NCAPH: variants seen among roughly 807,000 people sequenced by gnomAD.
NCAPH encodes condensin complex subunit 2.
NCAPH carries 38 observed loss-of-function variants against 85.5 expected under a neutral mutation model. The ratio of observed to expected loss-of-function variants is 0.44; its 90% CI spans 0.34 to 0.58. NCAPH has a LOEUF of 0.58. Among genes scored for constraint, NCAPH ranks in the 20% least tolerant of loss-of-function variants. NCAPH has a pLI of 0.01. For synonymous variants in NCAPH, 301 were observed against 335.1 expected, an observed-to-expected ratio of 0.90 and a Z score of 1.11; for missense variants, 789 against 916.6, an observed-to-expected ratio of 0.86 and a Z score of 1.80.
rs1381711310 is a variant in NCAPH at position 96,375,312 on chromosome 2, T to C, written c.*1961T>C. ...TAAGTTTCCCTCATTACATGGTTGC[T>C]GTGGGCTATGTGTGCTGTGGTCTGA... On this transcript the variant is annotated 3_prime_UTR_variant, in exon 18 of 18. Transcript: ENST00000240423. Among the ~76,000 whole-genome samples, 3 of 152,222 alleles carry C rather than the reference T, an allele frequency of 2.0e-5. No individual in the cohort carries two copies. The highest frequency in any genetic ancestry group is 4.4e-5 in the Non-Finnish European group (3 of 68,046).
chr2:96,371,472 C>T (rs1387873492), intron 17 of NCAPH, among the ~76,000 whole-genome samples: 1 of 152,148 alleles, frequency 6.6e-6, no homozygotes, highest in African/African-American at 2.4e-5. Flanking sequence ...TCAGGCCAGG[C>T]CAACACTGCT....
chr2:96,338,151 T>A (rs2064240434), intron 1 of NCAPH, among the ~76,000 whole-genome samples: 1 of 143,454 alleles, frequency 7.0e-6, no homozygotes, highest in East Asian at 2.2e-4. Context: ...GGTCTCGAAC[T>A]CCTGACCTCA....
Position 96,343,255 on chromosome 2 carries a change from G to T in NCAPH, c.546G>T (p.Gly182=). 6.2e-7 allele frequency: 1 copy of T among 1,613,744 alleles called. No homozygotes were observed. The highest frequency in any genetic ancestry group is 8.5e-7 in the Non-Finnish European group (1 of 1,179,776). ...VHADVYRVLG[G]LGKDAPSLEE... ...CCGATGTATACAGAGTCCTTGGGGG[G>T]CTGGGCAAAGATGCACCGTCTTTGG... The change falls in exon 5 of 18, where the codon GGG becomes GGT. Residue 182 remains glycine, a synonymous_variant. Transcript: ENST00000240423.
rs755342730 is a variant in NCAPH, at chr2:96,365,962, A to G, written c.1785A>G (p.Pro595=). Residue 595 remains proline (P), a synonymous_variant, in exon 14 of 18, where the codon CCA becomes CCG. Coordinates refer to ENST00000240423, the MANE Select transcript of NCAPH (RefSeq NM_015341.5). ...ACCTCTCACCTTATCCTTGCCATCC[A>G]CCTAAGACAGCACAACAGAATGGTG... ...NSDLSPYPCH[P]PKTAQQNGDT... 18 of 1,614,068 alleles carry G rather than the reference A, an allele frequency of 1.1e-5. No individual in the cohort carries two copies. Among genetic ancestry groups the G allele is most frequent in the Non-Finnish European group, 1.4e-5 (16 of 1,180,038 alleles).
At chr2:96,353,735 G>A (rs2064482014) in intron 8 of NCAPH, among the ~76,000 whole-genome samples, 2 of 152,080 alleles carry the variant, frequency 1.3e-5, no homozygotes, top group Admixed American at 6.5e-5. Flanking sequence ...TTAGGCTGCC[G>A]TCAAGCTTGA....
intron 6 of NCAPH, among the ~76,000 whole-genome samples, chr2:96,344,806 A>C (rs970462785): frequency 6.6e-6 from 1 of 152,226 alleles, no homozygotes; most frequent in Non-Finnish European, 1.5e-5. Flanking sequence ...ATTTAAAGCA[A>C]ACAGGTGTTA....
chr2:96,351,505 C>G (rs2064441224), intron 6 of NCAPH, among the ~76,000 whole-genome samples: 1 of 151,988 alleles, frequency 6.6e-6, no homozygotes, highest in African/African-American at 2.4e-5. Flanking sequence ...CCCGTCTCTA[C>G]TAAAAATACA....
chr2:96,353,393 A>G lies in NCAPH; in HGVS notation c.998A>G (p.Asn333Ser), dbSNP rs183869493. The change falls in exon 8 of 18, where the codon AAT becomes AGT. Residue 333 changes from asparagine to serine, a missense_variant. Coordinates refer to ENST00000240423, the MANE Select transcript of NCAPH (RefSeq NM_015341.5). ...ACACAGTGGGACAGTGAAACACATA[A>G]TGAGGTGTGGTCAAGTTTTAGTGGC... ...QFTQWDSETH[N>S]ESVSALVDKF... The G allele has an allele frequency of 8.3e-5, 134 of 1,613,770 alleles. No homozygotes were observed. In the East Asian group the frequency reaches 2.4e-3, roughly 29 times the overall value.
At chr2:96,336,112 C>T (rs1317458927) in intron 1 of NCAPH, among the ~76,000 whole-genome samples, 2 of 151,860 alleles carry the variant, frequency 1.3e-5, no homozygotes, top group Non-Finnish European at 2.9e-5. Context: ...CCTCAGTTCC[C>T]GGGCGGGCGG....
intron 1 of NCAPH, among the ~76,000 whole-genome samples, chr2:96,337,798 G>C (rs1340347081): frequency 6.6e-6 from 1 of 152,160 alleles, no homozygotes; most frequent in Admixed American, 6.5e-5. Flanking sequence ...CCTAGCTCAC[G>C]GCAGCCTTGC....
rs1448684130 is a variant in NCAPH at position 96,342,758 on chromosome 2, A to T, written c.366A>T (p.Lys122Asn). ...STCIKLSTEN[K>N]ITTKNAFGLH... ...TTTCTGCAATTTTCTGTTTTCAGAA[A>T]ATCACTACCAAGAATGCTTTTGGTT... The change falls in exon 4 of 18, where the codon AAA becomes AAT. Residue 122 changes from lysine (K) to asparagine (N), a missense_variant and splice_region_variant. By Grantham distance (94) the Lys-to-Asn change is moderately conservative. Coordinates refer to ENST00000240423, the MANE Select transcript of NCAPH (RefSeq NM_015341.5). 1 of 1,611,132 alleles carries T rather than the reference A, an allele frequency of 6.2e-7. No individual in the cohort carries two copies. Among genetic ancestry groups the T allele is most frequent in the Non-Finnish European group, 8.5e-7 (1 of 1,178,224 alleles).
intron 13 of NCAPH, among the ~76,000 whole-genome samples, chr2:96,365,659 G>T (rs995464037): frequency 1.3e-5 from 2 of 152,106 alleles, no homozygotes; most frequent in South Asian, 2.1e-4. Context: ...TTTAACTCCC[G>T]CTCAAAAGGT....
intron 12 of NCAPH, among the ~76,000 whole-genome samples, chr2:96,361,808 A>ATG (rs2064622244): frequency 5.3e-5 from 4 of 75,162 alleles, no homozygotes; most frequent in Non-Finnish European, 1.1e-4. Context: ...ATATATGTGT[A>ATG]TATATATATA....
In NCAPH at chr2:96,354,127, GTGA is replaced by G. The variant is rs879709982; in HGVS notation, c.1003-54_1003-52del. On this transcript the variant is annotated intron_variant, in intron 8 of 17. Transcript: ENST00000240423. ...GGGTGAGAAGGCTGTCCCTCCAGTG[GTGA>G]TTTGGGGTGGTTATAGGAATGAGAA... 8 of 1,529,802 alleles carry G rather than the reference GTGA, an allele frequency of 5.2e-6. No homozygotes were observed. In the Admixed American group the frequency reaches 1.4e-4, roughly 27 times the overall value. The allele number at this position is 1,529,802 out of a possible 1,614,324, so 94.8% of individuals were successfully genotyped here.
Position 96,342,081 on chromosome 2 carries a change from T to G in NCAPH, c.304T>G (p.Phe102Val). ...TGACATTTCAGCTACTATCCCCAAG[T>G]TTACAAACACGCAGATTACGGAACA... Reference protein sequence around the residue: ...SIDISATIPKFTNTQITEHYS... With the variant: ...SIDISATIPKVTNTQITEHYS... Residue 102 changes from phenylalanine to valine, a missense_variant, in exon 3 of 18, where the codon TTT becomes GTT. Coordinates refer to ENST00000240423, the MANE Select transcript of NCAPH (RefSeq NM_015341.5). The G allele has an allele frequency of 6.2e-7, 1 of 1,612,958 alleles. No individual in the cohort carries two copies. The highest frequency in any genetic ancestry group is 8.5e-7 in the Non-Finnish European group (1 of 1,178,930).
intron 17 of NCAPH, among the ~76,000 whole-genome samples, chr2:96,370,175 A>C (rs1031729508): frequency 6.6e-6 from 1 of 152,182 alleles, no homozygotes; most frequent in Non-Finnish European, 1.5e-5. Flanking sequence ...CTTGGTATCC[A>C]TTAGGGTCCC....
rs757794701 is a variant in NCAPH, at chr2:96,359,050, A to G, written c.1214A>G (p.Glu405Gly). 6.2e-7 allele frequency: 1 copy of G among 1,614,058 alleles called. No homozygotes were observed. The highest frequency in any genetic ancestry group is 1.1e-5 in the South Asian group (1 of 91,068). Residue 405 changes from glutamate (E) to glycine (G), a missense_variant, in exon 10 of 18, where the codon GAA becomes GGA. Transcript: ENST00000240423. ...EPCQVQSCQE[E>G]MISLGDGDIR... Reference sequence around the variant, plus strand: ...TACAAATATGTGTGTTACAGGGAAGAAATGATTTCCCTTGGGGATGGAGAC... The same window carrying G: ...TACAAATATGTGTGTTACAGGGAAGGAATGATTTCCCTTGGGGATGGAGAC...
At chr2:96,354,460 T>TC (rs2104457020) in intron 9 of NCAPH, 72 bp downstream of exon 9, 2 of 1,267,212 alleles carry the variant, frequency 1.6e-6, no homozygotes, top group African/African-American at 1.6e-5. Flanking sequence ...TTCTTTTTTT[T>TC]CTAATTAAAA....
intron 9 of NCAPH, among the ~76,000 whole-genome samples, chr2:96,356,889 G>A (rs2064532266): frequency 6.6e-6 from 1 of 152,192 alleles, no homozygotes. Context: ...GCAGCACATT[G>A]ACAACTGCAA....
Sources: gnomAD v4.1 joint callset for allele counts (sites outside exome capture counted in the v4.1 genomes callset) on GRCh38, gnomAD v4.1.1 for gene constraint, MANE v1.5 for transcripts, NCBI Gene and HGNC (gene_info 2026-07-23, HGNC 2026-07-21) for gene names.